Variants in TMEM67 observed in about 807,000 individuals in gnomAD.
TMEM67 encodes transmembrane protein 67, also known as meckelin.
TMEM67 carries 124 observed loss-of-function variants against 136.6 expected under a neutral mutation model. That is an observed-to-expected ratio of 0.91 (90% CI 0.78 to 1.05). TMEM67 has a LOEUF of 1.05. Among genes scored for constraint, TMEM67 ranks in the 50% least tolerant of loss-of-function variants. The probability of loss-of-function intolerance (pLI) is 0.00; values close to 1 mark genes in which losing one functional copy is unlikely to be tolerated. For synonymous variants in TMEM67, 364 were observed against 390.5 expected, an observed-to-expected ratio of 0.93 and a Z score of 0.80; for missense variants, 1,107 against 1,178.4, an observed-to-expected ratio of 0.94 and a Z score of 0.89.
chr8:93,800,319 A>G (rs756586566), intron 21 of TMEM67, among the ~76,000 whole-genome samples: 23 of 152,154 alleles, frequency 1.5e-4, no homozygotes, highest in Non-Finnish European at 3.1e-4. Context: ...TGATCCTCAA[A>G]TAGTTCAACC....
intron 7 of TMEM67, among the ~76,000 whole-genome samples, chr8:93,774,478 A>G (rs566661672): frequency 2.6e-5 from 4 of 152,260 alleles, no homozygotes; most frequent in Admixed American, 1.3e-4. Flanking sequence ...CGTCATTTAC[A>G]TTAGGTATTT....
chr8:93,776,256 G>A (rs766912312), intron 7 of TMEM67, among the ~76,000 whole-genome samples: 3 of 152,188 alleles, frequency 2.0e-5, no homozygotes, highest in Non-Finnish European at 2.9e-5. Flanking sequence ...TTGGGGCTGA[G>A]ACAATGGGGT....
At chr8:93,828,477 C>T in the TMEM67 span, among the ~76,000 whole-genome samples, 2 of 152,220 alleles carry the variant, frequency 1.3e-5, no homozygotes, top group African/African-American at 2.4e-5. Context: ...CAGTGGCTCA[C>T]ACCTGTAATC....
At position 93,758,487 on chromosome 8, in the gene TMEM67, G is replaced by T; in HGVS notation, c.317G>T (p.Gly106Val). ...ATTTTTTTTCTTTTAATTTAGAAAGGTGTTACAGAAGATGGCTGGAACTGC... is the reference window on the plus strand; with the variant it reads ...ATTTTTTTTCTTTTAATTTAGAAAGTTGTTACAGAAGATGGCTGGAACTGC... ...ICKKCPENMK[G>V]VTEDGWNCIS... The change falls in exon 3 of 28, where the codon GGT becomes GTT. Residue 106 changes from glycine to valine, a missense_variant. By Grantham distance (109) the Gly-to-Val change is moderately radical (BLOSUM62 -3). Around this residue, in one of 3 missense-constraint regions of TMEM67, gnomAD observed 178 missense variants for 159.2 expected, o/e 1.12. Transcript: ENST00000453321. The T allele has an allele frequency of 1.2e-6, 2 of 1,611,718 alleles. No individual in the cohort carries two copies. Among genetic ancestry groups the T allele is most frequent in the Non-Finnish European group, 1.7e-6 (2 of 1,178,152 alleles).
At chr8:93,804,955 A>G (rs925425071) in intron 23 of TMEM67, 77 bp downstream of exon 23, 3 of 916,214 alleles carry the variant, frequency 3.3e-6, no homozygotes, top group Non-Finnish European at 5.3e-6. Flanking sequence ...GTTTTAAAAA[A>G]AAAACAGTCT....
At chr8:93,755,314 C>T (rs1049947488) in intron 1 of TMEM67, among the ~76,000 whole-genome samples, 177 bp downstream of exon 1, 5 of 152,194 alleles carry the variant, frequency 3.3e-5, no homozygotes, top group African/African-American at 4.8e-5. Context: ...GCCACCGCGC[C>T]TGGCCCGAAT....
At chr8:93,821,955 T>A (rs574930491), downstream of TMEM67, among the ~76,000 whole-genome samples, 2 of 152,216 alleles carry the variant, frequency 1.3e-5, no homozygotes, top group Admixed American at 6.5e-5. Context: ...AATTGGACTT[T>A]ACAATTTGTG....
At chr8:93,829,316 C>A in the TMEM67 span, among the ~76,000 whole-genome samples, 2 of 152,272 alleles carry the variant, frequency 1.3e-5, no homozygotes, top group Non-Finnish European at 2.9e-5. Context: ...CTTGAACTCT[C>A]TCACTCAAGT....
intron 26 of TMEM67, among the ~76,000 whole-genome samples, chr8:93,813,494 T>A (rs1423801447): frequency 6.6e-6 from 1 of 152,186 alleles, no homozygotes; most frequent in African/African-American, 2.4e-5. Flanking sequence ...ACCTTCGTCT[T>A]CATCAAGAGA....
At chr8:93,824,774 G>A in the TMEM67 span, among the ~76,000 whole-genome samples, 1 of 152,180 alleles carries the variant, frequency 6.6e-6, no homozygotes, top group African/African-American at 2.4e-5. Flanking sequence ...GGAGTGCAGT[G>A]GCACAATCTC....
At chr8:93,799,539 A>C in intron 20 of TMEM67, 79 bp from the exon 21 acceptor site, 2 of 1,408,812 alleles carry the variant, frequency 1.4e-6, no homozygotes, top group South Asian at 1.2e-5. Context: ...GTGAGTAGGG[A>C]GAGGTTTTCT....
intron 7 of TMEM67, among the ~76,000 whole-genome samples, chr8:93,779,426 GA>G (rs1457967358): frequency 2.0e-5 from 3 of 152,160 alleles, no homozygotes; most frequent in Non-Finnish European, 4.4e-5. Context: ...TCCTTTGGAA[GA>G]GAGGAGGCAC....
chr8:93,812,192 C>A (rs947921120), intron 26 of TMEM67, among the ~76,000 whole-genome samples: 2 of 151,422 alleles, frequency 1.3e-5, no homozygotes, highest in South Asian at 4.2e-4. Context: ...GAAACCACTG[C>A]CAATGAACAT....
intron 26 of TMEM67, among the ~76,000 whole-genome samples, chr8:93,812,983 G>A (rs1323529176): frequency 2.0e-5 from 3 of 151,958 alleles, no homozygotes; most frequent in African/African-American, 7.3e-5. Flanking sequence ...TGATCCACCC[G>A]CCTCAGCCTC....
chr8:93,782,511 C>T lies in TMEM67; in HGVS notation c.1131+51C>T. The T allele has an allele frequency of 3.6e-6, 5 of 1,380,966 alleles. No homozygotes were observed. In the South Asian group the frequency reaches 5.9e-5, roughly 16 times the overall value. 85.5% of individuals were successfully genotyped at this position (1,380,966 alleles called of 1,614,324 possible). ...ATTTTAGCTTTATTTTTCAAAATAT[C>T]ATGTCAGCAGTAATTGGAATAATAC... is the stretch of plus-strand genomic sequence containing the variant. On this transcript the variant is annotated intron_variant, in intron 11 of 27. Transcript: ENST00000453321.
chr8:93,777,003 C>T (rs59707541), intron 7 of TMEM67, among the ~76,000 whole-genome samples: 2,472 of 152,206 alleles, frequency 0.016, 72 homozygotes, highest in African/African-American at 0.054. Flanking sequence ...GGTTGGTAGG[C>T]TATTGATTAT....
chr8:93,778,471 A>G (rs1340446357), intron 7 of TMEM67, among the ~76,000 whole-genome samples: 1 of 152,142 alleles, frequency 6.6e-6, no homozygotes, highest in Non-Finnish European at 1.5e-5. Context: ...ACAATTTGGC[A>G]TGTTTTTGCA....
At chr8:93,755,751 C>CTTTTTTTTTTTTTTTTTTTTTTTTTTTTT in intron 1 of TMEM67, 27 bp from the exon 2 acceptor site, 1 of 632,468 alleles carries the variant, frequency 1.6e-6, no homozygotes, top group Non-Finnish European at 2.4e-6. Flanking sequence ...ATAAAATTGG[C>CTTTTTTTTTTTTTTTTTTTTTTTTTTTTT]TTTTTTTTTT....
At chr8:93,808,480 T>TATA (rs1563480832) in intron 23 of TMEM67, among the ~76,000 whole-genome samples, 3 of 140,008 alleles carry the variant, frequency 2.1e-5, no homozygotes, top group Non-Finnish European at 4.5e-5. Flanking sequence ...TTATAGATAT[T>TATA]TATCTATAAT....
Sources: allele counts gnomAD v4.1 joint callset (sites outside exome capture counted in the v4.1 genomes callset), GRCh38; gene constraint gnomAD v4.1.1; regional missense constraint gnomAD v4.1.1; transcripts MANE v1.5; gene names NCBI Gene and HGNC (gene_info 2026-07-23, HGNC 2026-07-21).